Variants in CBLB observed in about 807,000 individuals in gnomAD.
CBLB encodes the protein E3 ubiquitin-protein ligase CBL-B.
In CBLB, 31 loss-of-function variants were observed where a neutral mutation model predicts 104.9. The observed-to-expected ratio is 0.30, with a 90% CI of 0.22 to 0.40. CBLB has a LOEUF of 0.40. Among genes scored for constraint, CBLB ranks in the 10% least tolerant of loss-of-function variants. The probability of loss-of-function intolerance (pLI) is 1.00; values close to 1 mark genes in which losing one functional copy is unlikely to be tolerated. For synonymous variants in CBLB, 440 were observed against 422.6 expected, an observed-to-expected ratio of 1.04 and a Z score of -0.51; for missense variants, 1,062 against 1,214.6, an observed-to-expected ratio of 0.87 and a Z score of 1.87.
intron 3 of CBLB, among the ~76,000 whole-genome samples, chr3:105,807,337 A>C (rs1342759378): frequency 6.6e-6 from 1 of 152,186 alleles, no homozygotes; most frequent in Non-Finnish European, 1.5e-5. Flanking sequence ...TGGGAGGATC[A>C]CCTGAGCCCA....
chr3:105,764,628 C>CTG (rs1410010397), intron 4 of CBLB, among the ~76,000 whole-genome samples: 2 of 152,088 alleles, frequency 1.3e-5, no homozygotes, highest in East Asian at 3.9e-4. Context: ...CTAAAATGAC[C>CTG]TCAAGTGCTC....
intron 3 of CBLB, 109 bp downstream of exon 3, chr3:105,853,305 C>T (rs1307400287): frequency 1.8e-5 from 20 of 1,089,754 alleles, no homozygotes; most frequent in East Asian, 2.4e-5. Flanking sequence ...ATATACAAAG[C>T]GACTCACATT....
intron 2 of CBLB, among the ~76,000 whole-genome samples, chr3:105,860,281 A>T (rs2091985407): frequency 6.6e-6 from 1 of 152,234 alleles, no homozygotes; most frequent in Non-Finnish European, 1.5e-5. Flanking sequence ...GGAAAATTAT[A>T]TTACAAATAG....
chr3:105,778,485 T>C (rs1474455057), intron 3 of CBLB, among the ~76,000 whole-genome samples: 1 of 151,914 alleles, frequency 6.6e-6, no homozygotes, highest in Non-Finnish European at 1.5e-5. Flanking sequence ...TGATCAAAAG[T>C]GGGAAAAGTA....
intron 6 of CBLB, 62 bp downstream of exon 6, chr3:105,745,854 CA>C (rs2076053321): frequency 6.6e-7 from 1 of 1,515,982 alleles, no homozygotes; most frequent in Non-Finnish European, 9.1e-7. Flanking sequence ...TACTTAGGAA[CA>C]AACCATGGAG....
In CBLB at chr3:105,678,469, C is replaced by G. The variant is rs150795419; in HGVS notation, c.2531G>C (p.Arg844Pro). The G allele has an allele frequency of 1.9e-6, 3 of 1,613,852 alleles. No homozygotes were observed. The highest frequency in any genetic ancestry group is 1.1e-5 in the South Asian group (1 of 91,084). ...AAAAAGATCCTGTCCTGAGGATGGC[C>G]GGCTACTGGAGCCAGGAGGTTTTGA... is the stretch of plus-strand genomic sequence containing the variant. ...EHSKPPGSSS[R>P]PSSGQDLFLL... The change falls in exon 17 of 19, where the codon CGG becomes CCG. Residue 844 changes from arginine (R) to proline (P), a missense_variant. By Grantham distance (103) the Arg-to-Pro change is moderately radical. This residue lies in a region of CBLB where 605 missense variants were observed against 582.6 expected (regional missense o/e 1.04). Coordinates refer to ENST00000394030, the MANE Select transcript of CBLB (RefSeq NM_170662.5).
chr3:105,837,516 C>T (rs1164409029), intron 3 of CBLB, among the ~76,000 whole-genome samples: 1 of 152,132 alleles, frequency 6.6e-6, no homozygotes, highest in Admixed American at 6.5e-5. Context: ...GCAATATGCT[C>T]ATTGCTTTGA....
intron 13 of CBLB, among the ~76,000 whole-genome samples, chr3:105,685,770 A>G (rs1309330682): frequency 6.6e-6 from 1 of 152,212 alleles, no homozygotes; most frequent in East Asian, 1.9e-4. Flanking sequence ...AAATGTACAA[A>G]TTTATTCAAA....
chr3:105,785,062 G>C (rs1354454433), intron 3 of CBLB, among the ~76,000 whole-genome samples: 1 of 152,162 alleles, frequency 6.6e-6, no homozygotes, highest in South Asian at 2.1e-4. Flanking sequence ...GGGCACAAAG[G>C]TTTCCTTGAA....
At chr3:105,797,352 T>C (rs1306595870) in intron 3 of CBLB, among the ~76,000 whole-genome samples, 4 of 152,146 alleles carry the variant, frequency 2.6e-5, no homozygotes, top group Admixed American at 6.5e-5. Context: ...AAATACCATA[T>C]ATCCTCTTGT....
At chr3:105,802,187 C>T (rs1254551633) in intron 3 of CBLB, among the ~76,000 whole-genome samples, 2 of 152,154 alleles carry the variant, frequency 1.3e-5, no homozygotes, top group East Asian at 1.9e-4. Context: ...CTTCATTACT[C>T]GGCCCCTGCC....
At position 105,853,419 on chromosome 3, in the gene CBLB, C is replaced by G; in HGVS notation, c.414G>C (p.Gln138His). 3.1e-6 allele frequency: 5 copies of G among 1,613,656 alleles called. No homozygotes were observed. The highest frequency in any genetic ancestry group is 4.2e-6 in the Non-Finnish European group (5 of 1,179,762). Residue 138 changes from glutamine (Q) to histidine (H), a missense_variant, in exon 3 of 19, where the codon CAG becomes CAC. Gln to His is a conservative substitution (Grantham distance 24, BLOSUM62 0). Coordinates refer to ENST00000394030, the MANE Select transcript of CBLB (RefSeq NM_170662.5). ...ATCTGAAATATTCTTCTTACCTGTCCTGTGACTGTTCTTCATACATTCTCT... is the reference window on the plus strand; with the variant it reads ...ATCTGAAATATTCTTCTTACCTGTCGTGTGACTGTTCTTCATACATTCTCT... ...GKERMYEEQS[Q>H]DRRNLTKLSL...
chr3:105,856,894 A>G (rs1161684253), intron 2 of CBLB, among the ~76,000 whole-genome samples: 1 of 152,320 alleles, frequency 6.6e-6, no homozygotes, highest in Non-Finnish European at 1.5e-5. Flanking sequence ...CAAATATGCC[A>G]ATTATTTAAC....
chr3:105,724,265 T>C (rs993073088), intron 9 of CBLB: 6 of 158,646 alleles, frequency 3.8e-5, no homozygotes, highest in African/African-American at 1.4e-4. Context: ...GCAGGAGAGA[T>C]CTTTGGTTCT....
intron 17 of CBLB, chr3:105,671,364 G>T (rs1258288437): frequency 4.7e-6 from 1 of 214,792 alleles, no homozygotes; most frequent in South Asian, 1.9e-4. Flanking sequence ...GGATCTGAGG[G>T]ATCTTTTCCT....
intron 3 of CBLB, among the ~76,000 whole-genome samples, chr3:105,822,477 G>A (rs770169041): frequency 4.6e-5 from 7 of 152,068 alleles, no homozygotes; most frequent in Non-Finnish European, 8.8e-5. Flanking sequence ...CTCTTCTTTT[G>A]AAAGTGAACT....
intron 3 of CBLB, among the ~76,000 whole-genome samples, chr3:105,826,016 G>T (rs1405320434): frequency 6.6e-5 from 10 of 152,016 alleles, no homozygotes; most frequent in Admixed American, 6.6e-4. Context: ...CTTCAACTAA[G>T]CTCCTTAACA....
intron 4 of CBLB, chr3:105,762,493 A>G (rs2077741914): frequency 6.6e-6 from 1 of 152,270 alleles, no homozygotes; most frequent in Non-Finnish European, 1.5e-5. Context: ...AGCCATGGCT[A>G]TAAGGGGCCA....
At chr3:105,660,836 T>G (rs1369069947) in intron 18 of CBLB, among the ~76,000 whole-genome samples, 1 of 142,190 alleles carries the variant, frequency 7.0e-6, no homozygotes, top group Admixed American at 7.1e-5. Context: ...ATGTATGATA[T>G]TTTTCCAGGA....
Sources: allele counts gnomAD v4.1 joint callset (sites outside exome capture counted in the v4.1 genomes callset), GRCh38; gene constraint gnomAD v4.1.1; regional missense constraint gnomAD v4.1.1; transcripts MANE v1.5; gene names NCBI Gene and HGNC (gene_info 2026-07-23, HGNC 2026-07-21).